Variants in VEGFC observed in about 807,000 individuals in gnomAD.
VEGFC encodes the protein FLT4 ligand DHM.
A neutral mutation model predicts 46.1 loss-of-function variants in VEGFC; 12 were observed. The observed-to-expected ratio is 0.26, with a 90% CI of 0.17 to 0.42. VEGFC has a LOEUF of 0.42. VEGFC is among the 10% of genes least tolerant of loss of function. VEGFC has a pLI of 1.00. For synonymous variants in VEGFC, 232 were observed against 195.5 expected, an observed-to-expected ratio of 1.19 and a Z score of -1.56; for missense variants, 488 against 529.4, an observed-to-expected ratio of 0.92 and a Z score of 0.77.
intron 1 of VEGFC, among the ~76,000 whole-genome samples, chr4:176,788,705 T>C (rs956097496): frequency 6.6e-6 from 1 of 152,146 alleles, no homozygotes; most frequent in East Asian, 1.9e-4. Context: ...AATTCAAACC[T>C]TGAAGTATGG....
chr4:176,729,395 G>T, intron 2 of VEGFC, 138 bp downstream of exon 2: 1 of 672,572 alleles, frequency 1.5e-6, no homozygotes, highest in Non-Finnish European at 2.4e-6. Context: ...GTATTTTGAA[G>T]TAATTCTTTA....
At chr4:176,751,271 G>C (rs1735338021) in intron 1 of VEGFC, among the ~76,000 whole-genome samples, 1 of 151,852 alleles carries the variant, frequency 6.6e-6, no homozygotes, top group Non-Finnish European at 1.5e-5. Flanking sequence ...AAGAATGAAA[G>C]AGAAAACTTA....
chr4:176,754,349 AT>A (rs200226831), intron 1 of VEGFC, among the ~76,000 whole-genome samples: 3 of 150,728 alleles, frequency 2.0e-5, no homozygotes, highest in African/African-American at 7.3e-5. Flanking sequence ...TTAGAAATGC[AT>A]TTTTTTTTAC....
intron 1 of VEGFC, among the ~76,000 whole-genome samples, chr4:176,766,411 C>G (rs1041219522): frequency 6.6e-6 from 1 of 151,946 alleles, no homozygotes; most frequent in African/African-American, 2.4e-5. Flanking sequence ...CATAGTGAAG[C>G]CTTATCTCTA....
intron 4 of VEGFC, among the ~76,000 whole-genome samples, chr4:176,702,868 T>C (rs1273310376): frequency 1.3e-5 from 2 of 152,140 alleles, no homozygotes; most frequent in Non-Finnish European, 2.9e-5. Context: ...TGGAATGCTA[T>C]ATAGTTATTA....
intron 3 of VEGFC, among the ~76,000 whole-genome samples, chr4:176,723,670 C>T (rs1003674985): frequency 4.1e-5 from 5 of 122,990 alleles, no homozygotes; most frequent in Non-Finnish European, 8.1e-5. Context: ...TTTTAGGTTT[C>T]GCGGTGCATA....
At chr4:176,697,859 A>G (rs1370216083) in intron 4 of VEGFC, among the ~76,000 whole-genome samples, 2 of 150,360 alleles carry the variant, frequency 1.3e-5, no homozygotes, top group Non-Finnish European at 2.9e-5. Flanking sequence ...ATTGGAAGTC[A>G]TCATTCTCAG....
intron 6 of VEGFC, 52 bp downstream of exon 6, chr4:176,687,135 T>C (rs1211882952): frequency 6.5e-7 from 1 of 1,547,234 alleles, no homozygotes; most frequent in Admixed American, 2.0e-5. Flanking sequence ...GCTTTTGGTT[T>C]AGAGCATATT....
chr4:176,687,979 G>A (rs780354424), intron 4 of VEGFC, 52 bp from the exon 5 acceptor site: 1 of 1,002,356 alleles, frequency 1.0e-6, no homozygotes, highest in Admixed American at 2.1e-5. Flanking sequence ...TACCTAGAAG[G>A]GACCATCTCT....
intron 1 of VEGFC, among the ~76,000 whole-genome samples, chr4:176,782,066 G>A (rs937324362): frequency 6.6e-6 from 1 of 152,162 alleles, no homozygotes; most frequent in African/African-American, 2.4e-5. Flanking sequence ...GGAACCAAAA[G>A]TATTATCAAG....
intron 1 of VEGFC, among the ~76,000 whole-genome samples, chr4:176,767,006 TA>T (rs1287702353): frequency 4.5e-5 from 6 of 132,226 alleles, no homozygotes; most frequent in Admixed American, 2.2e-4. Context: ...ATCTGGCCAG[TA>T]AAAAAAAAGA....
chr4:176,741,625 C>A (rs1357135006), intron 1 of VEGFC, among the ~76,000 whole-genome samples: 1 of 151,876 alleles, frequency 6.6e-6, no homozygotes, highest in Non-Finnish European at 1.5e-5. Context: ...TAAAATGTAA[C>A]CTTCACTTGA....
At chr4:176,729,414 T>A in intron 2 of VEGFC, 119 bp downstream of exon 2, 1 of 774,110 alleles carries the variant, frequency 1.3e-6, no homozygotes. Context: ...TATTTTCTAT[T>A]TGCTTTCCGC....
At chr4:176,760,229 T>G (rs941268968) in intron 1 of VEGFC, among the ~76,000 whole-genome samples, 2 of 152,172 alleles carry the variant, frequency 1.3e-5, no homozygotes, top group Admixed American at 1.3e-4. Flanking sequence ...AGATATATAT[T>G]TTAAGATATT....
intron 1 of VEGFC, among the ~76,000 whole-genome samples, chr4:176,776,409 G>C (rs1735814098): frequency 6.6e-6 from 1 of 152,096 alleles, no homozygotes. Flanking sequence ...TTTTAAACTG[G>C]GTACATGTGA....
intron 4 of VEGFC, among the ~76,000 whole-genome samples, chr4:176,694,968 G>C (rs1357030652): frequency 7.5e-6 from 1 of 134,026 alleles, no homozygotes; most frequent in Non-Finnish European, 1.6e-5. Flanking sequence ...TCTCTGGGAC[G>C]CATTCAAAGC....
intron 1 of VEGFC, among the ~76,000 whole-genome samples, chr4:176,767,448 C>G (rs1392323536): frequency 6.6e-6 from 1 of 152,220 alleles, no homozygotes; most frequent in Non-Finnish European, 1.5e-5. Context: ...GTGCACTCTA[C>G]AGTTAGAGCT....
At chr4:176,759,580 G>A (rs1328969139) in intron 1 of VEGFC, among the ~76,000 whole-genome samples, 1 of 152,044 alleles carries the variant, frequency 6.6e-6, no homozygotes, top group Non-Finnish European at 1.5e-5. Flanking sequence ...AATAATAATA[G>A]AGTAGATTTC....
intron 1 of VEGFC, among the ~76,000 whole-genome samples, chr4:176,731,511 G>C (rs1734964487): frequency 1.3e-5 from 2 of 151,792 alleles, no homozygotes; most frequent in Non-Finnish European, 2.9e-5. Flanking sequence ...AGGTGTATTT[G>C]TGGTCACTGT....
Sources: allele counts gnomAD v4.1 joint callset (sites outside exome capture counted in the v4.1 genomes callset), GRCh38; gene constraint gnomAD v4.1.1; transcripts MANE v1.5; gene names NCBI Gene and HGNC (gene_info 2026-07-23, HGNC 2026-07-21).